Variants in CIMIP3 observed in about 807,000 individuals in gnomAD.
The protein encoded by CIMIP3 is ciliary microtubule inner protein 3.
the CIMIP3 span, among the ~76,000 whole-genome samples, chr6:42,162,488 G>A: frequency 4.9e-4 from 74 of 151,376 alleles, no homozygotes; most frequent in African/African-American, 1.5e-3. Context: ...TGGGAGACAG[G>A]AAGCCCTGGT....
At chr6:42,155,748 G>A in the CIMIP3 span, among the ~76,000 whole-genome samples, 1 of 152,174 alleles carries the variant, frequency 6.6e-6, no homozygotes, top group African/African-American at 2.4e-5. Flanking sequence ...CTTCACTGCT[G>A]TAAAGTGTGT....
the CIMIP3 span, among the ~76,000 whole-genome samples, chr6:42,160,039 G>T: frequency 6.6e-6 from 1 of 152,150 alleles, no homozygotes; most frequent in African/African-American, 2.4e-5. Context: ...AGGCTGGAGT[G>T]CAGTGGTGTG....
the CIMIP3 span, among the ~76,000 whole-genome samples, chr6:42,161,908 C>CT: frequency 6.6e-6 from 1 of 151,934 alleles, no homozygotes; most frequent in Non-Finnish European, 1.5e-5. Flanking sequence ...AGCTGAAACT[C>CT]TAATGGGAAA....
At chr6:42,159,394 A>G in the CIMIP3 span, among the ~76,000 whole-genome samples, 1 of 152,198 alleles carries the variant, frequency 6.6e-6, no homozygotes, top group Admixed American at 6.5e-5. Context: ...AGAGCCTGGC[A>G]TCCAAGAGGT....
the CIMIP3 span, among the ~76,000 whole-genome samples, chr6:42,158,322 C>T: frequency 6.6e-6 from 1 of 152,092 alleles, no homozygotes; most frequent in South Asian, 2.1e-4. Context: ...CTAGAAAGGG[C>T]AGGGGAGGGC....
the CIMIP3 span, among the ~76,000 whole-genome samples, chr6:42,160,516 G>A: frequency 3.9e-5 from 6 of 152,334 alleles, no homozygotes; most frequent in South Asian, 1.2e-3. Context: ...TGGGACTTTA[G>A]CAAAGGACTA....
chr6:42,160,816 G>A, the CIMIP3 span, among the ~76,000 whole-genome samples: 2 of 152,178 alleles, frequency 1.3e-5, no homozygotes, highest in Non-Finnish European at 2.9e-5. Context: ...TTTATACCTG[G>A]GTAGGAACCA....
chr6:42,160,955 GA>G, the CIMIP3 span, among the ~76,000 whole-genome samples: 1 of 152,182 alleles, frequency 6.6e-6, no homozygotes, highest in Admixed American at 6.5e-5. Flanking sequence ...TTGGGAGGCT[GA>G]GGCGGGCGGA....
chr6:42,159,059 C>T, the CIMIP3 span, among the ~76,000 whole-genome samples: 5 of 152,226 alleles, frequency 3.3e-5, no homozygotes, highest in African/African-American at 1.2e-4. Flanking sequence ...CCGCTTCTTG[C>T]AGCCCAGGAA....
the CIMIP3 span, among the ~76,000 whole-genome samples, chr6:42,156,549 T>C: frequency 1.3e-5 from 2 of 152,114 alleles, no homozygotes; most frequent in African/African-American, 2.4e-5. Context: ...AACCACTCCC[T>C]TCAAAGCCCC....
the CIMIP3 span, chr6:42,163,144 C>T: frequency 3.0e-6 from 2 of 668,504 alleles, no homozygotes; most frequent in African/African-American, 3.6e-5. Flanking sequence ...ACCCCTTCTA[C>T]ACTTTGCAGA....
At chr6:42,156,799 C>G in the CIMIP3 span, among the ~76,000 whole-genome samples, 3 of 152,386 alleles carry the variant, frequency 2.0e-5, no homozygotes, top group Admixed American at 1.3e-4. Flanking sequence ...GTCGCCTGAC[C>G]TGTAAGAACA....
chr6:42,156,852 G>T, the CIMIP3 span, among the ~76,000 whole-genome samples: 3 of 152,228 alleles, frequency 2.0e-5, no homozygotes, highest in Admixed American at 2.0e-4. Context: ...CAAAGCCAAG[G>T]CACATTGGAC....
chr6:42,157,484 A>G, the CIMIP3 span, among the ~76,000 whole-genome samples: 3 of 152,052 alleles, frequency 2.0e-5, no homozygotes, highest in African/African-American at 7.2e-5. Context: ...TCCTGGGCTC[A>G]AGTGATCTGC....
At chr6:42,155,478 T>C in the CIMIP3 span, 2 of 707,950 alleles carry the variant, frequency 2.8e-6, no homozygotes, top group South Asian at 1.5e-5. Context: ...TGGTCCAGGA[T>C]GTGCAAGGTG....
At chr6:42,162,003 A>C in the CIMIP3 span, among the ~76,000 whole-genome samples, 7 of 145,596 alleles carry the variant, frequency 4.8e-5, no homozygotes, top group Admixed American at 6.9e-5. Flanking sequence ...GAAGTACCGG[A>C]TGTGAGCAGG....
At chr6:42,162,909 C>T in the CIMIP3 span, 2 of 614,800 alleles carry the variant, frequency 3.3e-6, no homozygotes. Context: ...CCCTTCTTTC[C>T]CCCCTCCCAG....
the CIMIP3 span, chr6:42,163,031 T>C: frequency 2.8e-6 from 2 of 717,314 alleles, no homozygotes; most frequent in African/African-American, 1.7e-5. Context: ...CCTCGAGCAG[T>C]CTCTGGCAGC....
chr6:42,160,912 G>A, the CIMIP3 span, among the ~76,000 whole-genome samples: 156 of 152,366 alleles, frequency 1.0e-3, no homozygotes, highest in Admixed American at 1.8e-3. Flanking sequence ...GAGGAGGCCG[G>A]GTGAAGTGGC....
Sources: allele counts gnomAD v4.1 joint callset (sites outside exome capture counted in the v4.1 genomes callset), GRCh38; gene constraint gnomAD v4.1.1; transcripts MANE v1.5; gene names NCBI Gene and HGNC (gene_info 2026-07-23, HGNC 2026-07-21).